Variants in VTI1B observed in about 807,000 individuals in gnomAD.
VTI1B encodes the protein vesicle transport through interaction with t-SNAREs 1B.
A neutral mutation model predicts 28.6 loss-of-function variants in VTI1B; 18 were observed. The ratio of observed to expected loss-of-function variants is 0.63; its 90% confidence interval spans 0.43 to 0.93. The LOEUF (loss-of-function observed/expected upper bound fraction) is 0.93. Among genes scored for constraint, VTI1B ranks in the 40% least tolerant of loss-of-function variants. The pLI is 0.00. For synonymous variants in VTI1B, 100 were observed against 107.9 expected, an observed-to-expected ratio of 0.93 and a Z score of 0.46; for missense variants, 283 against 297.0, an observed-to-expected ratio of 0.95 and a Z score of 0.35.
chr14:67,654,320 CGCTCT>C (rs1435041640), intron 4 of VTI1B, among the ~76,000 whole-genome samples: 1 of 534 alleles, frequency 1.9e-3, no homozygotes, highest in Non-Finnish European at 4.5e-3. Flanking sequence ...GATGAGGTCT[CGCTCT>C]AGAGATGAGG....
At chr14:67,651,635 G>T in intron 5 of VTI1B, 154 bp from the exon 6 acceptor site, 3 of 754,274 alleles carry the variant, frequency 4.0e-6, no homozygotes, top group Non-Finnish European at 6.2e-6. Context: ...AGGTTCTTTA[G>T]CTGTCACTTA....
At chr14:67,659,018 G>C (rs2037302511) in intron 3 of VTI1B, among the ~76,000 whole-genome samples, 1 of 152,144 alleles carries the variant, frequency 6.6e-6, no homozygotes, top group African/African-American at 2.4e-5. Flanking sequence ...TTGTGTTTGT[G>C]GAAGACAGAC....
At chr14:67,663,819 T>A (rs12050393) in intron 1 of VTI1B, among the ~76,000 whole-genome samples, 1 of 152,132 alleles carries the variant, frequency 6.6e-6, no homozygotes, top group Non-Finnish European at 1.5e-5. Flanking sequence ...TTCTGGTTAG[T>A]CAGCGGGGTG....
chr14:67,657,598 G>GCACGCACACACACA (rs1221889562), intron 3 of VTI1B, among the ~76,000 whole-genome samples: 4 of 112,370 alleles, frequency 3.6e-5, no homozygotes, highest in African/African-American at 1.1e-4. Flanking sequence ...GCGCGCGCGT[G>GCACGCACACACACA]CACACACACA....
chr14:67,650,983 T>C lies in VTI1B; in HGVS notation c.*402A>G, dbSNP rs551234244. 26 of 1,483,482 alleles carry C rather than the reference T, an allele frequency of 1.8e-5. 1 individual carries two copies. In the East Asian group the frequency reaches 2.3e-4, roughly 13 times the overall value. The allele number at this position is 1,483,482 out of a possible 1,614,324, so 91.9% of individuals were successfully genotyped here. ...CCAGAATTATGAGGCATTGAGGGGATAGATGAATACTAAATGGTTGTCTGG... is the reference window on the plus strand; with the variant it reads ...CCAGAATTATGAGGCATTGAGGGGACAGATGAATACTAAATGGTTGTCTGG... On this transcript the variant is annotated 3_prime_UTR_variant, in exon 6 of 6. Coordinates refer to ENST00000554659, the MANE Select transcript of VTI1B (RefSeq NM_006370.3).
chr14:67,674,292 G>T (rs2234512), intron 1 of VTI1B, 83 bp downstream of exon 1: 1 of 1,299,214 alleles, frequency 7.7e-7, no homozygotes, highest in Non-Finnish European at 1.0e-6. Flanking sequence ...ACGCGGGCCC[G>T]GGTCTGGGAG....
At chr14:67,665,259 C>CTTT (rs574618223) in intron 1 of VTI1B, among the ~76,000 whole-genome samples, 21 of 126,530 alleles carry the variant, frequency 1.7e-4, no homozygotes, top group Non-Finnish European at 2.9e-4. Flanking sequence ...TCAGTTATAT[C>CTTT]TTTTTTTTTT....
chr14:67,662,190 AC>A (rs1038375948), intron 2 of VTI1B, among the ~76,000 whole-genome samples: 2 of 151,728 alleles, frequency 1.3e-5, no homozygotes, highest in South Asian at 2.1e-4. Flanking sequence ...AAAAAAAAAA[AC>A]AACAGATTTT....
rs772330019 is a variant in VTI1B at position 67,650,850 on chromosome 14, T to C, written c.*535A>G. 1.9e-6 allele frequency: 3 copies of C among 1,614,200 alleles called. No individual in the cohort carries two copies. The highest frequency in any genetic ancestry group is 1.6e-4 in the Middle Eastern group (1 of 6,062). On this transcript the variant is annotated 3_prime_UTR_variant, in exon 6 of 6. Coordinates refer to ENST00000554659, the MANE Select transcript of VTI1B (RefSeq NM_006370.3). Reference sequence around the variant, plus strand: ...GGTCAGACAAGAGAAGGAGGGCATATTGTCTATGACCAACTTCCTACTCCC... The same window carrying C: ...GGTCAGACAAGAGAAGGAGGGCATACTGTCTATGACCAACTTCCTACTCCC...
rs1030756780 is a variant in VTI1B at position 67,650,777 on chromosome 14, G to A, written c.*608C>T. ...TCAGTTGGCCACCTCAGAGGAAGAG[G>A]CGAAGACTACAGCTAACCTGGCAGT... On this transcript the variant is annotated 3_prime_UTR_variant, in exon 6 of 6. Transcript: ENST00000554659. 36 of 1,614,006 alleles carry A rather than the reference G, an allele frequency of 2.2e-5. No homozygotes were observed. Among genetic ancestry groups the A allele is most frequent in the Non-Finnish European group, 2.8e-5 (33 of 1,180,032 alleles).
intron 1 of VTI1B, among the ~76,000 whole-genome samples, chr14:67,665,505 C>T (rs1566816369): frequency 2.6e-5 from 4 of 152,006 alleles, no homozygotes; most frequent in Admixed American, 2.0e-4. Flanking sequence ...TGGGCTCAGG[C>T]AATCCTCGAC....
chr14:67,661,435 C>T (rs1237464122), intron 2 of VTI1B, among the ~76,000 whole-genome samples: 1 of 151,614 alleles, frequency 6.6e-6, no homozygotes, highest in Non-Finnish European at 1.5e-5. Context: ...CCAACTCCAG[C>T]TCCTATGTTG....
intron 1 of VTI1B, 33 bp from the exon 2 acceptor site, chr14:67,662,568 T>TA: frequency 6.4e-7 from 1 of 1,572,644 alleles, no homozygotes; most frequent in Non-Finnish European, 8.7e-7. Context: ...AAATGCTTAT[T>TA]ACTGTTTCCA....
At position 67,653,430 on chromosome 14, in the gene VTI1B, A is replaced by G; in HGVS notation, c.602+7T>C. The G allele has an allele frequency of 6.2e-7, 1 of 1,613,402 alleles. No individual in the cohort carries two copies. The highest frequency in any genetic ancestry group is 8.5e-7 in the Non-Finnish European group (1 of 1,179,588). Reference sequence around the variant, plus strand: ...AAGAGAAATTTCATGACTTTAATAAAACTTACTTTCTGGACATTGAACGGA... The same window carrying G: ...AAGAGAAATTTCATGACTTTAATAAGACTTACTTTCTGGACATTGAACGGA... On this transcript the variant is annotated splice_region_variant and intron_variant, in intron 5 of 5. Transcript: ENST00000554659.
chr14:67,652,103 T>G (rs2037188766), intron 5 of VTI1B, among the ~76,000 whole-genome samples: 1 of 152,224 alleles, frequency 6.6e-6, no homozygotes, highest in South Asian at 2.1e-4. Context: ...TAGTTTTGTT[T>G]CATGCTAGGC....
At position 67,659,852 on chromosome 14, in the gene VTI1B, C is replaced by A. The variant is rs771057064; in HGVS notation, c.245G>T (p.Arg82Leu). 4 of 1,614,048 alleles carry A rather than the reference C, an allele frequency of 2.5e-6. No individual in the cohort carries two copies. The highest frequency in any genetic ancestry group is 1.3e-5 in the African/African-American group (1 of 74,912). The change falls in exon 3 of 6, where the codon CGA (arginine) becomes CTA (leucine). Residue 82 changes from arginine (R) to leucine (L), a missense_variant. By Grantham distance (102) the Arg-to-Leu change is moderately radical. Coordinates refer to ENST00000554659, the MANE Select transcript of VTI1B (RefSeq NM_006370.3). The part of the protein sequence containing the change: ...SFRNPMMSKL[R>L]NYRKDLAKLH... ...TTTAGCAAGGTCCTTCCGGTAGTTT[C>A]GAAGCTTAGACATCATGGGGTTTCG... is the stretch of plus-strand genomic sequence containing the variant.
intron 5 of VTI1B, among the ~76,000 whole-genome samples, chr14:67,653,086 G>A (rs1433180507): frequency 1.3e-5 from 2 of 152,204 alleles, no homozygotes; most frequent in East Asian, 3.8e-4. Flanking sequence ...ACCGCACGGG[G>A]CTGAGATTAT....
intron 4 of VTI1B, among the ~76,000 whole-genome samples, chr14:67,654,456 C>T (rs897384918): frequency 2.0e-5 from 3 of 152,126 alleles, no homozygotes; most frequent in African/African-American, 7.2e-5. Context: ...TAAATTCAAC[C>T]AATCTACCTG....
intron 1 of VTI1B, among the ~76,000 whole-genome samples, chr14:67,668,152 G>A (rs574632319): frequency 5.7e-4 from 87 of 152,188 alleles, no homozygotes; most frequent in Non-Finnish European, 1.1e-3. Context: ...TATGATACAC[G>A]TTAAGACATA....
Sources: gnomAD v4.1 joint callset for allele counts (sites outside exome capture counted in the v4.1 genomes callset) on GRCh38, gnomAD v4.1.1 for gene constraint, MANE v1.5 for transcripts, NCBI Gene and HGNC (gene_info 2026-07-23, HGNC 2026-07-21) for gene names.